Variants in ABTB2 observed in about 807,000 individuals in gnomAD.
ABTB2 encodes ankyrin repeat and BTB domain containing 2.
In ABTB2, 56 loss-of-function variants were observed where a neutral mutation model predicts 104.1. The ratio of observed to expected loss-of-function variants is 0.54; its 90% confidence interval spans 0.43 to 0.67. ABTB2 has a LOEUF of 0.67. Among genes scored for constraint, ABTB2 ranks in the 30% least tolerant of loss-of-function variants. The probability of loss-of-function intolerance (pLI) is 0.00; values close to 1 mark genes in which losing one functional copy is unlikely to be tolerated. For missense variants in ABTB2, 1,279 were observed against 1,407.7 expected (o/e 0.91, Z 1.46); for synonymous variants, 606 against 608.2 (o/e 1.00, Z 0.05).
intron 14 of ABTB2, among the ~76,000 whole-genome samples, chr11:34,157,712 G>T (rs569286348): frequency 1.3e-5 from 2 of 152,146 alleles, no homozygotes; most frequent in African/African-American, 2.4e-5. Context: ...TCCCACATCC[G>T]TCAGTTACCA....
At position 34,356,965 on chromosome 11, in the gene ABTB2, C is replaced by T; in HGVS notation, c.619G>A (p.Val207Met). ...ACCATCCAGCGGAAAAAGCGACCCA[C>T]TGAGAAGGTGAGGCCGCAGCGCGCG... Reference protein sequence around the residue: ...KSARCGLTFSVGRFFRWMVDT... With the variant: ...KSARCGLTFSMGRFFRWMVDT... Residue 207 changes from valine (V) to methionine (M), a missense_variant, in exon 1 of 17, where the codon GTG becomes ATG. Coordinates refer to ENST00000435224, the MANE Select transcript of ABTB2 (RefSeq NM_145804.3). The surrounding 1 kb of genome is among the most constrained non-coding windows in gnomAD (Gnocchi z 4.6). 6 of 1,597,226 alleles carry T rather than the reference C, an allele frequency of 3.8e-6. No individual in the cohort carries two copies. Among genetic ancestry groups the T allele is most frequent in the Non-Finnish European group, 4.3e-6 (5 of 1,172,850 alleles).
intron 5 of ABTB2, 136 bp from the exon 6 acceptor site, chr11:34,168,128 T>C: frequency 1.2e-6 from 1 of 861,122 alleles, no homozygotes; most frequent in Non-Finnish European, 1.9e-6. Context: ...CCCCAGGCTC[T>C]GTGCTTCCTG....
intron 1 of ABTB2, among the ~76,000 whole-genome samples, chr11:34,290,422 T>C (rs184603732): frequency 6.6e-6 from 1 of 152,348 alleles, no homozygotes; most frequent in Non-Finnish European, 1.5e-5. Flanking sequence ...TGGTAAACTT[T>C]AAATGTGTGG....
chr11:34,250,413 A>C (rs903761347), intron 1 of ABTB2, among the ~76,000 whole-genome samples: 1 of 152,230 alleles, frequency 6.6e-6, no homozygotes, highest in Admixed American at 6.5e-5. Flanking sequence ...CTTGCTCAAC[A>C]AAGTGACGAT....
intron 1 of ABTB2, among the ~76,000 whole-genome samples, chr11:34,267,003 TG>T (rs537093377): frequency 0.016 from 554 of 35,614 alleles, 5 homozygotes; most frequent in African/African-American, 0.057. Flanking sequence ...TTTTCCTTTT[TG>T]TGGGGTGGTA....
intron 1 of ABTB2, among the ~76,000 whole-genome samples, chr11:34,214,179 GTAAAT>G (rs1853521889): frequency 1.6e-5 from 1 of 61,724 alleles, no homozygotes; most frequent in South Asian, 4.3e-4. Flanking sequence ...CACACACAAA[GTAAAT>G]GGAGAAATTA....
At chr11:34,321,220 T>C (rs1445902878) in intron 1 of ABTB2, among the ~76,000 whole-genome samples, 3 of 152,128 alleles carry the variant, frequency 2.0e-5, no homozygotes, top group Non-Finnish European at 4.4e-5. Flanking sequence ...TGTTTTACTT[T>C]GGGTCAAGTC....
At chr11:34,329,561 C>T (rs1189283120) in intron 1 of ABTB2, among the ~76,000 whole-genome samples, 4 of 152,228 alleles carry the variant, frequency 2.6e-5, no homozygotes, top group African/African-American at 9.6e-5. Context: ...CTAGGCCAGG[C>T]CCATCAGAGC....
intron 14 of ABTB2, among the ~76,000 whole-genome samples, chr11:34,156,251 TG>T: frequency 6.6e-6 from 1 of 152,352 alleles, no homozygotes; most frequent in East Asian, 1.9e-4. Flanking sequence ...ACGGCTCACC[TG>T]GAGCCTTGCT....
chr11:34,337,106 G>A (rs1855200345), intron 1 of ABTB2, among the ~76,000 whole-genome samples: 1 of 152,272 alleles, frequency 6.6e-6, no homozygotes, highest in Non-Finnish European at 1.5e-5. Flanking sequence ...ACAACCACCT[G>A]AGTGCAAGTG....
chr11:34,307,785 G>A (rs1470492990), intron 1 of ABTB2, among the ~76,000 whole-genome samples: 2 of 151,078 alleles, frequency 1.3e-5, no homozygotes, highest in African/African-American at 2.4e-5. Context: ...CGCAACCTCC[G>A]TCTCCCGGGT....
intron 1 of ABTB2, among the ~76,000 whole-genome samples, chr11:34,342,276 G>A (rs561902778): frequency 3.9e-5 from 6 of 152,294 alleles, no homozygotes; most frequent in South Asian, 2.1e-4. Flanking sequence ...GTTCTCAGGC[G>A]CAGCTGGCTG....
At chr11:34,338,341 A>G (rs1386864833) in intron 1 of ABTB2, among the ~76,000 whole-genome samples, 2 of 151,678 alleles carry the variant, frequency 1.3e-5, no homozygotes, top group African/African-American at 4.9e-5. Flanking sequence ...AGACTGCACC[A>G]CTGCACTCCA....
At chr11:34,186,625 C>T (rs1328767004) in intron 3 of ABTB2, among the ~76,000 whole-genome samples, 1 of 152,180 alleles carries the variant, frequency 6.6e-6, no homozygotes, top group African/African-American at 2.4e-5. Context: ...TCTGCGAGGA[C>T]CGGTGGGTCC....
At chr11:34,257,239 A>C (rs1249511945) in intron 1 of ABTB2, among the ~76,000 whole-genome samples, 1 of 152,182 alleles carries the variant, frequency 6.6e-6, no homozygotes, top group East Asian at 1.9e-4. Flanking sequence ...AATGAAAAGA[A>C]AATGAACCCA....
intron 1 of ABTB2, among the ~76,000 whole-genome samples, chr11:34,210,017 T>C (rs896900058): frequency 1.3e-5 from 2 of 151,990 alleles, no homozygotes; most frequent in Non-Finnish European, 2.9e-5. Context: ...CTCAGAAGAC[T>C]GGGAAGCCGC....
chr11:34,279,848 G>A (rs1290664437), intron 1 of ABTB2, among the ~76,000 whole-genome samples: 1 of 144,760 alleles, frequency 6.9e-6, no homozygotes, highest in African/African-American at 2.6e-5. Flanking sequence ...GAGTGCAATG[G>A]TGCGATCTCG....
At chr11:34,159,088 A>G (rs951777030) in intron 14 of ABTB2, among the ~76,000 whole-genome samples, 1 of 152,196 alleles carries the variant, frequency 6.6e-6, no homozygotes, top group Non-Finnish European at 1.5e-5. Context: ...AGAGCTCAGG[A>G]CCCATGTGAC....
In ABTB2 at chr11:34,204,698, G is replaced by T. The variant is rs754600035; in HGVS notation, c.884-8C>A. 6.2e-7 allele frequency: 1 copy of T among 1,610,304 alleles called. No individual in the cohort carries two copies. Among genetic ancestry groups the T allele is most frequent in the Admixed American group, 1.7e-5 (1 of 59,576 alleles). ...CGGGGAGGGAGAGGACACCTATGGGGAAAGAAGGCAGACAGGTCACACTTA... is the reference window on the plus strand; with the variant it reads ...CGGGGAGGGAGAGGACACCTATGGGTAAAGAAGGCAGACAGGTCACACTTA... On this transcript the variant is annotated splice_region_variant and splice_polypyrimidine_tract_variant and intron_variant, in intron 1 of 16. Transcript: ENST00000435224.
Sources: gnomAD v4.1 joint callset for allele counts (sites outside exome capture counted in the v4.1 genomes callset) on GRCh38, gnomAD v4.1.1 for gene constraint, Gnocchi (gnomAD v3.1) non-coding constraint, MANE v1.5 for transcripts, NCBI Gene and HGNC (gene_info 2026-07-23, HGNC 2026-07-21) for gene names.